The following PKD1L3 variants were observed in gnomAD, a reference collection of about 807,000 sequenced individuals.
PKD1L3 encodes the protein polycystin 1 like 3, transient receptor potential channel interacting.
Under a neutral mutation model 184.1 loss-of-function variants are expected in PKD1L3, and 239 were observed. That is an observed-to-expected ratio of 1.30 (90% confidence interval 1.17 to 1.45). PKD1L3 has a LOEUF of 1.45. Ranked by LOEUF, PKD1L3 falls within the 40% of genes most tolerant of loss-of-function variation. The probability of loss-of-function intolerance (pLI) is 0.00; values close to 1 mark genes in which losing one functional copy is unlikely to be tolerated. For synonymous variants in PKD1L3, 996 were observed against 778.8 expected, an observed-to-expected ratio of 1.28 and a Z score of -4.64; for missense variants, 2,660 against 2,067.2, an observed-to-expected ratio of 1.29 and a Z score of -5.56.
intron 16 of PKD1L3, among the ~76,000 whole-genome samples, chr16:71,957,862 A>G (rs2039106848): frequency 6.6e-6 from 1 of 152,210 alleles, no homozygotes; most frequent in Admixed American, 6.6e-5. Flanking sequence ...AATTATTACT[A>G]GAGCCAAAGA....
intron 7 of PKD1L3, 133 bp from the exon 8 acceptor site, chr16:71,980,267 C>T: frequency 1.6e-6 from 2 of 1,217,026 alleles, no homozygotes; most frequent in South Asian, 1.6e-5. Flanking sequence ...TTAGAGAGGA[C>T]CTTGGAATCT....
In PKD1L3 at chr16:71,947,536, T is replaced by G; in HGVS notation, c.3674A>C (p.Asn1225Thr). ...CTTTGTTTGTTGTTCATTCTCTTTGTTAAGCCGTGGCATCCTGCTCATCAT... is the reference window on the plus strand; with the variant it reads ...CTTTGTTTGTTGTTCATTCTCTTTGGTAAGCCGTGGCATCCTGCTCATCAT... ...SLMMSRMPRL[N>T]KENEQQTKRI... The change falls in exon 22 of 30, where the codon AAC becomes ACC. Residue 1225 changes from asparagine to threonine, a missense_variant. Physicochemically the swap from Asn to Thr is moderately conservative, Grantham distance 65. Transcript: ENST00000620267. 1.3e-6 allele frequency: 2 copies of G among 1,548,110 alleles called. No homozygotes were observed. Among genetic ancestry groups the G allele is most frequent in the Non-Finnish European group, 1.7e-6 (2 of 1,143,836 alleles).
chr16:71,985,501 C>G (rs1255929715), intron 5 of PKD1L3, among the ~76,000 whole-genome samples: 1 of 152,190 alleles, frequency 6.6e-6, no homozygotes, highest in East Asian at 1.9e-4. Flanking sequence ...TCACTGCAGT[C>G]TGGACCTCCC....
intron 22 of PKD1L3, among the ~76,000 whole-genome samples, 177 bp from the exon 23 acceptor site, chr16:71,944,347 A>T (rs980639581): frequency 6.6e-6 from 1 of 152,176 alleles, no homozygotes; most frequent in Non-Finnish European, 1.5e-5. Flanking sequence ...AAAAAATTCC[A>T]ATCAATTGGG....
At chr16:71,968,775 T>C (rs2039596830) in intron 13 of PKD1L3, among the ~76,000 whole-genome samples, 1 of 152,060 alleles carries the variant, frequency 6.6e-6, no homozygotes, top group African/African-American at 2.4e-5. Context: ...TTTGTATTTT[T>C]AGTAGAGACA....
At chr16:71,986,135 T>C in intron 5 of PKD1L3, 86 bp downstream of exon 5, 1 of 1,467,318 alleles carries the variant, frequency 6.8e-7, no homozygotes, top group Non-Finnish European at 9.2e-7. Context: ...CATTCTTAGG[T>C]GTAGTTCTGC....
chr16:71,988,953 T>C (rs922600312), intron 4 of PKD1L3, among the ~76,000 whole-genome samples: 1 of 152,194 alleles, frequency 6.6e-6, no homozygotes, highest in Non-Finnish European at 1.5e-5. Context: ...GACAACAATG[T>C]TGCATATTTC....
chr16:71,948,573 G>T, intron 21 of PKD1L3, among the ~76,000 whole-genome samples: 1 of 152,110 alleles, frequency 6.6e-6, no homozygotes, highest in East Asian at 1.9e-4. Context: ...TCTAGCAAAA[G>T]GTGCAGAAGT....
chr16:71,950,754 G>C (rs1273864462), intron 19 of PKD1L3, among the ~76,000 whole-genome samples: 1 of 132,976 alleles, frequency 7.5e-6, no homozygotes, highest in Non-Finnish European at 1.6e-5. Flanking sequence ...TTTTTTTTGA[G>C]ATGGAGTCTT....
intron 27 of PKD1L3, 54 bp from the exon 28 acceptor site, chr16:71,933,575 C>A: frequency 7.7e-7 from 1 of 1,305,932 alleles, no homozygotes; most frequent in East Asian, 2.5e-5. Flanking sequence ...ATCTTTCTAT[C>A]CTGAGGTGCT....
chr16:71,977,938 T>C (rs928336919), intron 10 of PKD1L3, among the ~76,000 whole-genome samples: 10 of 152,028 alleles, frequency 6.6e-5, no homozygotes, highest in Non-Finnish European at 1.5e-5. Flanking sequence ...CCATGCCAGT[T>C]AATTTTTGTA....
At chr16:71,976,697 T>A (rs1014694525) in intron 11 of PKD1L3, among the ~76,000 whole-genome samples, 1 of 152,188 alleles carries the variant, frequency 6.6e-6, no homozygotes, top group Non-Finnish European at 1.5e-5. Context: ...GACAGGAAGA[T>A]TGCTTGAAGC....
intron 2 of PKD1L3, among the ~76,000 whole-genome samples, chr16:71,995,208 C>T (rs886467286): frequency 2.0e-5 from 3 of 152,052 alleles, no homozygotes; most frequent in Non-Finnish European, 4.4e-5. Context: ...CTCCCTCTGC[C>T]AAGTCCTTTT....
chr16:71,943,364 C>T (rs114069345), intron 23 of PKD1L3, among the ~76,000 whole-genome samples: 1 of 151,680 alleles, frequency 6.6e-6, no homozygotes, highest in African/African-American at 2.4e-5. Flanking sequence ...TAGTAAAACC[C>T]CCCCATCTAC....
intron 22 of PKD1L3, among the ~76,000 whole-genome samples, chr16:71,945,288 A>AC (rs2038534370): frequency 3.0e-5 from 2 of 66,382 alleles, no homozygotes; most frequent in Admixed American, 4.2e-4. Flanking sequence ...ATATATATAT[A>AC]TATATATATA....
intron 14 of PKD1L3, among the ~76,000 whole-genome samples, chr16:71,967,614 G>T (rs192759035): frequency 6.6e-6 from 1 of 152,162 alleles, no homozygotes; most frequent in Admixed American, 6.6e-5. Context: ...ATAGTCATGG[G>T]CCATCACGCT....
At chr16:71,944,247 C>G in intron 22 of PKD1L3, 77 bp from the exon 23 acceptor site, 19 of 1,272,638 alleles carry the variant, frequency 1.5e-5, no homozygotes, top group Non-Finnish European at 1.9e-5. Context: ...TGAGCATCTA[C>G]TGTGAGCACC....
chr16:71,949,177 T>G (rs2143338103), intron 21 of PKD1L3, among the ~76,000 whole-genome samples: 1 of 152,288 alleles, frequency 6.6e-6, no homozygotes, highest in Non-Finnish European at 1.5e-5. Flanking sequence ...GACATTTTTC[T>G]TAATTAAAAA....
chr16:71,975,666 C>A (rs1233241842), intron 11 of PKD1L3, among the ~76,000 whole-genome samples: 1 of 152,164 alleles, frequency 6.6e-6, no homozygotes, highest in Non-Finnish European at 1.5e-5. Flanking sequence ...TAACCATTAA[C>A]TAGATTCTAC....
Sources: allele counts gnomAD v4.1 joint callset (sites outside exome capture counted in the v4.1 genomes callset), GRCh38; gene constraint gnomAD v4.1.1; transcripts MANE v1.5; gene names NCBI Gene and HGNC (gene_info 2026-07-23, HGNC 2026-07-21).